Variants in RIC3 observed in about 807,000 individuals in gnomAD.
RIC3 encodes protein RIC-3.
In RIC3, 28 loss-of-function variants were observed where a neutral mutation model predicts 27.3. The ratio of observed to expected loss-of-function variants is 1.02; its 90% CI spans 0.76 to 1.41. RIC3 has a LOEUF of 1.41. Ranked by LOEUF, RIC3 falls within the 40% of genes most tolerant of loss-of-function variation. RIC3 has a pLI of 0.00. For missense variants in RIC3, 501 were observed against 444.7 expected (o/e 1.13, Z -1.14); for synonymous variants, 184 against 160.4 (o/e 1.15, Z -1.11).
chr11:8,100,620 C>CTCCCCTCTTTCCCCA, the RIC3 span: 1 of 1,607,720 alleles, frequency 6.2e-7, no homozygotes, highest in Non-Finnish European at 8.5e-7. Context: ...CTACCCCTTC[C>CTCCCCTCTTTCCCCA]TCCCCTCTTT....
At chr11:8,101,623 C>T (rs569780414), downstream of RIC3, 55 of 1,614,126 alleles carry the variant, frequency 3.4e-5, no homozygotes, top group South Asian at 5.6e-4. Flanking sequence ...CGAGTAGAGG[C>T]CTCTTCGTGC....
chr11:8,135,989 A>G (rs1458261181), intron 4 of RIC3: 1 of 152,214 alleles, frequency 6.6e-6, no homozygotes, highest in East Asian at 1.9e-4. Flanking sequence ...AATAAATATC[A>G]ATTATTATTG....
In RIC3 at chr11:8,126,697, T is replaced by C. The variant is rs1261810489; in HGVS notation, c.632A>G (p.Lys211Arg). ...GKFIDRFSPEKEAEEAPYMED... is the reference protein window; with the variant it reads ...GKFIDRFSPEREAEEAPYMED... ...CATGTAAGGGGCCTCCTCAGCTTCT[T>C]TCTCTGGAGAAAATCTGTCAATGAA... is the stretch of plus-strand genomic sequence containing the variant. Residue 211 changes from lysine (K) to arginine (R), a missense_variant, in exon 5 of 6, where the codon AAA becomes AGA. Coordinates refer to ENST00000309737, the MANE Select transcript of RIC3 (RefSeq NM_001206671.4). 2 of 1,614,190 alleles carry C rather than the reference T, an allele frequency of 1.2e-6. No individual in the cohort carries two copies. The highest frequency in any genetic ancestry group is 2.2e-5 in the South Asian group (2 of 91,078).
At chr11:8,111,207 T>A in intron 5 of RIC3, 70 bp from the exon 6 acceptor site, 1 of 1,131,914 alleles carries the variant, frequency 8.8e-7, no homozygotes, top group Non-Finnish European at 1.3e-6. Flanking sequence ...AGTGTCAGGT[T>A]CAAAGAGGAT....
rs559877938 is a variant in RIC3, at chr11:8,111,157, A to T, written c.671-20T>A. The T allele has an allele frequency of 1.3e-6, 2 of 1,511,776 alleles. No individual in the cohort carries two copies. Among genetic ancestry groups the T allele is most frequent in the South Asian group, 2.6e-5 (2 of 76,920 alleles). 93.6% of individuals were successfully genotyped at this position (1,511,776 alleles called of 1,614,324 possible). ...GGTAACCTAGAGAGAAAAGTAGCAC[A>T]AAGTATTACAAAGAATGTCTCCTCA... is the stretch of plus-strand genomic sequence containing the variant. On this transcript the variant is annotated intron_variant, in intron 5 of 5. Coordinates refer to ENST00000309737, the MANE Select transcript of RIC3 (RefSeq NM_001206671.4).
chr11:8,124,967 A>G (rs1946837888), intron 5 of RIC3, among the ~76,000 whole-genome samples: 1 of 152,128 alleles, frequency 6.6e-6, no homozygotes, highest in South Asian at 2.1e-4. Context: ...AGAACATAAA[A>G]AATGGGCTGG....
the RIC3 span, among the ~76,000 whole-genome samples, chr11:8,099,595 C>T: frequency 6.6e-6 from 1 of 152,152 alleles, no homozygotes; most frequent in African/African-American, 2.4e-5. Context: ...AATGAACAGA[C>T]ATAAATGTAT....
rs1199307086 is a variant in RIC3 at position 8,114,579 on chromosome 11, C to G, written c.671-3442G>C. The stretch of plus-strand genomic sequence containing the variant: ...CAAGATCAAGCCATTGCACTCCAGC[C>G]TGGGCAACAAGAACAAAACTCCATC... On this transcript the variant is annotated intron_variant, in intron 5 of 5. Transcript: ENST00000309737. Among the ~76,000 whole-genome samples the G allele has an allele frequency of 5.5e-5, 8 of 144,382 alleles. No homozygotes were observed. In the East Asian group the frequency reaches 1.6e-3, roughly 29 times the overall value. 94.7% of individuals were successfully genotyped at this position (144,382 alleles called of 152,430 possible). A position where few individuals can be genotyped will look rare whatever the true frequency, so the allele number is the denominator to read the frequency against.
At chr11:8,099,274 A>G in the RIC3 span, among the ~76,000 whole-genome samples, 2 of 152,042 alleles carry the variant, frequency 1.3e-5, no homozygotes, top group East Asian at 3.9e-4. Context: ...GGTAGATCCT[A>G]TTTTCTTTAT....
chr11:8,130,269 C>A (rs1947530512), intron 4 of RIC3, among the ~76,000 whole-genome samples: 1 of 151,930 alleles, frequency 6.6e-6, no homozygotes, highest in South Asian at 2.1e-4. Context: ...GATATAGGAC[C>A]CAAGTTGGGC....
chr11:8,161,929 G>A, intron 1 of RIC3, among the ~76,000 whole-genome samples: 1 of 136,904 alleles, frequency 7.3e-6, no homozygotes, highest in Non-Finnish European at 1.6e-5. Context: ...CCGGGCAATG[G>A]AATGTGAGGA....
downstream of RIC3, chr11:8,103,721 G>C (rs2133936730): frequency 6.5e-6 from 1 of 152,780 alleles, no homozygotes; most frequent in African/African-American, 2.4e-5. Flanking sequence ...AAGGAGAAGA[G>C]ATCTTCATGG....
chr11:8,129,192 T>C (rs1162934683), intron 4 of RIC3, among the ~76,000 whole-genome samples: 2 of 151,942 alleles, frequency 1.3e-5, no homozygotes, highest in African/African-American at 4.8e-5. Flanking sequence ...TTGAGACATT[T>C]GTATTCTCCC....
intron 1 of RIC3, among the ~76,000 whole-genome samples, chr11:8,143,139 A>T (rs1195401677): frequency 7.8e-6 from 1 of 128,384 alleles, no homozygotes; most frequent in Non-Finnish European, 1.6e-5. Flanking sequence ...GCCCTCTCTC[A>T]CCACTCCTAT....
chr11:8,096,769 C>A, the RIC3 span: 1 of 1,614,040 alleles, frequency 6.2e-7, no homozygotes, highest in African/African-American at 1.3e-5. Flanking sequence ...AATAGTAACA[C>A]CCGCCCCAGC....
the RIC3 span, chr11:8,101,043 G>A: frequency 7.1e-5 from 114 of 1,607,750 alleles, no homozygotes; most frequent in Non-Finnish European, 5.7e-5. Flanking sequence ...GGATACCCAA[G>A]GCCCTTAGCG....
At chr11:8,098,101 A>G in the RIC3 span, among the ~76,000 whole-genome samples, 1 of 152,008 alleles carries the variant, frequency 6.6e-6, no homozygotes, top group African/African-American at 2.4e-5. Context: ...GGTGTCACTG[A>G]TAACGCAGGC....
At chr11:8,149,163 A>G (rs1459850713) in intron 1 of RIC3, among the ~76,000 whole-genome samples, 3 of 151,808 alleles carry the variant, frequency 2.0e-5, no homozygotes, top group African/African-American at 7.3e-5. Context: ...ACTGCACTCC[A>G]GCCTGGGTGA....
At chr11:8,105,830 T>C (rs1210018431), downstream of RIC3, 1 of 152,168 alleles carries the variant, frequency 6.6e-6, no homozygotes, top group Non-Finnish European at 1.5e-5. Context: ...CAGGCAAAGC[T>C]GGAGATGAGG....
Sources: gnomAD v4.1 joint callset for allele counts (sites outside exome capture counted in the v4.1 genomes callset) on GRCh38, gnomAD v4.1.1 for gene constraint, MANE v1.5 for transcripts, NCBI Gene and HGNC (gene_info 2026-07-23, HGNC 2026-07-21) for gene names.